Variants in PACRG observed in about 807,000 individuals in gnomAD.
The protein encoded by PACRG is parkin coregulated gene protein.
In PACRG, 29 loss-of-function variants were observed where a neutral mutation model predicts 29.7. The observed-to-expected ratio is 0.98, with a 90% CI of 0.73 to 1.33. The LOEUF is 1.33. Ranked by LOEUF, PACRG falls within the 40% of genes most tolerant of loss-of-function variation. The pLI is 0.00. For synonymous variants in PACRG, 116 were observed against 118.7 expected (o/e 0.98, Z 0.15); for missense variants, 279 against 316.2 (o/e 0.88, Z 0.89).
Position 162,855,397 on chromosome 6 carries a change from T to C in PACRG, c.291+41116T>C, listed in dbSNP as rs1459472323. ...TTCCTAATCTTATAGACACTCTTCT[T>C]TTTTGCGTATCAGAGATGTAAGTAT... is the stretch of plus-strand genomic sequence containing the variant. On this transcript the variant is annotated intron_variant, in intron 2 of 4. Transcript: ENST00000366888. Among the ~76,000 whole-genome samples the C allele has an allele frequency of 2.0e-5, 3 of 152,308 alleles. No individual in the cohort carries two copies. In the East Asian group the frequency reaches 5.8e-4, roughly 29 times the overall value.
chr6:162,833,447 C>G (rs1335520356), intron 2 of PACRG, among the ~76,000 whole-genome samples: 2 of 152,082 alleles, frequency 1.3e-5, no homozygotes, highest in Non-Finnish European at 2.9e-5. Flanking sequence ...CTTGTTTGTG[C>G]AGACTTTTCT....
At chr6:163,257,762 A>G (rs932652227) in intron 4 of PACRG, among the ~76,000 whole-genome samples, 5 of 152,168 alleles carry the variant, frequency 3.3e-5, no homozygotes, top group Non-Finnish European at 7.3e-5. Flanking sequence ...TAACTTCTTT[A>G]TAGCTAGGAC....
chr6:163,201,383 C>T (rs535526700), intron 4 of PACRG, among the ~76,000 whole-genome samples: 1 of 152,290 alleles, frequency 6.6e-6, no homozygotes, highest in South Asian at 2.1e-4. Context: ...ACATTTATGT[C>T]CCAATTTCTT....
chr6:162,914,138 G>C (rs1331384340), intron 2 of PACRG, among the ~76,000 whole-genome samples: 1 of 151,864 alleles, frequency 6.6e-6, no homozygotes, highest in Non-Finnish European at 1.5e-5. Context: ...ATAAATGTTT[G>C]CCTCCTCCAA....
chr6:163,149,195 G>T (rs921261185), intron 4 of PACRG, among the ~76,000 whole-genome samples: 3 of 151,908 alleles, frequency 2.0e-5, no homozygotes, highest in African/African-American at 7.3e-5. Context: ...AGTCCAGGCC[G>T]GTCGGGTGTC....
chr6:163,290,276 GCGCACACACACACACACACA>G lies in PACRG; in HGVS notation c.614-24549_614-24530del, dbSNP rs761596846. On this transcript the variant is annotated intron_variant, in intron 4 of 4. Coordinates refer to ENST00000366888, the MANE Select transcript of PACRG (RefSeq NM_001080379.2). Reference sequence around the variant, plus strand: ...CACATGTGCGCATGCACGCGCGCGCGCGCACACACACACACACACACACACACACACACACACACACACAC... The same window carrying G: ...CACATGTGCGCATGCACGCGCGCGCGCACACACACACACACACACACACAC... Among the ~76,000 whole-genome samples the G allele has an allele frequency of 5.6e-3, 711 of 127,700 alleles. 5 individuals are homozygous for G. The highest frequency in any genetic ancestry group is 8.0e-3 in the Non-Finnish European group (500 of 62,332). The allele number at this position is 127,700 out of a possible 152,430, so 83.8% of individuals were successfully genotyped here.
chr6:162,899,078 G>C (rs1345461861), intron 2 of PACRG, among the ~76,000 whole-genome samples: 1 of 152,170 alleles, frequency 6.6e-6, no homozygotes, highest in Non-Finnish European at 1.5e-5. Context: ...GAGCTATCAA[G>C]GTTATATTGT....
intron 1 of PACRG, among the ~76,000 whole-genome samples, chr6:162,780,272 G>A (rs1783996358): frequency 6.6e-6 from 1 of 152,094 alleles, no homozygotes; most frequent in Non-Finnish European, 1.5e-5. Flanking sequence ...CACACTAAGA[G>A]GGAAAAATGA....
rs78397370 is a variant in PACRG at position 162,973,380 on chromosome 6, G to A, written c.292-88770G>A. 6.1e-3 allele frequency among the ~76,000 whole-genome samples: 929 copies of A among 152,296 alleles called. 20 individuals carry two copies. The highest frequency in any genetic ancestry group is 0.021 in the African/African-American group (882 of 41,552). Reference sequence around the variant, plus strand: ...GTAATGCGATCTTTCCATCTAATGCGAGGCCTGGCTCCATTTCATGCATGA... The same window carrying A: ...GTAATGCGATCTTTCCATCTAATGCAAGGCCTGGCTCCATTTCATGCATGA... On this transcript the variant is annotated intron_variant, in intron 2 of 4. Transcript: ENST00000366888.
chr6:163,003,330 C>T (rs1584982751), intron 2 of PACRG, among the ~76,000 whole-genome samples: 1 of 152,184 alleles, frequency 6.6e-6, no homozygotes, highest in East Asian at 1.9e-4. Context: ...TACCATAAAG[C>T]TTGCTTCAAT....
chr6:163,088,908 G>T (rs758690745), intron 3 of PACRG, among the ~76,000 whole-genome samples: 1 of 151,978 alleles, frequency 6.6e-6, no homozygotes, highest in African/African-American at 2.4e-5. Flanking sequence ...TGTATCTGTT[G>T]TCAACCCACA....
chr6:163,313,625 T>C (rs1189106561), intron 4 of PACRG: 3 of 152,246 alleles, frequency 2.0e-5, no homozygotes, highest in Admixed American at 2.0e-4. Flanking sequence ...GGGTCTACAC[T>C]TGAAATATGA....
chr6:163,273,065 G>C (rs1317803100), intron 4 of PACRG, among the ~76,000 whole-genome samples: 2 of 148,492 alleles, frequency 1.3e-5, no homozygotes, highest in African/African-American at 2.6e-5. Flanking sequence ...CTAATTTTTT[G>C]TATTTTTTTA....
chr6:163,067,968 T>C (rs1394624556), intron 3 of PACRG, among the ~76,000 whole-genome samples: 2 of 152,222 alleles, frequency 1.3e-5, no homozygotes, highest in East Asian at 3.8e-4. Flanking sequence ...AAGAATATTA[T>C]TTTCAAAATG....
intron 4 of PACRG, among the ~76,000 whole-genome samples, chr6:163,199,876 A>G (rs1194283953): frequency 6.6e-6 from 1 of 152,232 alleles, no homozygotes; most frequent in African/African-American, 2.4e-5. Context: ...AGCTACAAAC[A>G]CAAATACATA....
chr6:163,154,409 T>C (rs1778229204), intron 4 of PACRG, among the ~76,000 whole-genome samples: 2 of 152,222 alleles, frequency 1.3e-5, no homozygotes, highest in South Asian at 4.1e-4. Context: ...ATAGTTCATC[T>C]TAAAGATTAC....
chr6:163,070,679 A>G (rs1811955705), intron 3 of PACRG, among the ~76,000 whole-genome samples: 1 of 151,992 alleles, frequency 6.6e-6, no homozygotes, highest in Non-Finnish European at 1.5e-5. Flanking sequence ...CCAAAATATC[A>G]AAATGACCAT....
chr6:163,217,561 G>T (rs762716865), intron 4 of PACRG, among the ~76,000 whole-genome samples: 4 of 152,212 alleles, frequency 2.6e-5, no homozygotes, highest in Non-Finnish European at 5.9e-5. Context: ...CCATGGACTG[G>T]CACTGGTCTG....
At chr6:163,180,551 C>T (rs886381001) in intron 4 of PACRG, among the ~76,000 whole-genome samples, 33 of 152,000 alleles carry the variant, frequency 2.2e-4, no homozygotes, top group African/African-American at 7.7e-4. Flanking sequence ...CGCTTGAGCC[C>T]AGGAATTCAA....
Sources: gnomAD v4.1 joint callset for allele counts (sites outside exome capture counted in the v4.1 genomes callset) on GRCh38, gnomAD v4.1.1 for gene constraint, MANE v1.5 for transcripts, NCBI Gene and HGNC (gene_info 2026-07-23, HGNC 2026-07-21) for gene names.